CLCN7: variants seen among roughly 807,000 people sequenced by gnomAD.
CLCN7 encodes H(+)/Cl(-) exchange transporter 7.
Under a neutral mutation model 102.1 loss-of-function variants are expected in CLCN7, and 60 were observed. The ratio of observed to expected loss-of-function variants is 0.59; its 90% CI spans 0.48 to 0.73. The LOEUF (loss-of-function observed/expected upper bound fraction) is 0.73, where lower values mean the gene tolerates loss of function less well. Ranked by LOEUF, CLCN7 falls within the 30% of genes least tolerant of loss-of-function variation. The pLI is 0.00. For synonymous variants in CLCN7, 560 were observed against 490.5 expected (o/e 1.14, Z -1.87); for missense variants, 962 against 1,125.7 (o/e 0.85, Z 2.08).
At position 1,457,213 on chromosome 16, in the gene CLCN7, C is replaced by T; in HGVS notation, c.822+41G>A. ...CCCTGAGTGGTGCCCGTGCCCGTGCCCATGGCATCTGGAGCCCACCCACAC... is the reference window on the plus strand; with the variant it reads ...CCCTGAGTGGTGCCCGTGCCCGTGCTCATGGCATCTGGAGCCCACCCACAC... On this transcript the variant is annotated intron_variant, in intron 9 of 24. Coordinates refer to ENST00000382745, the MANE Select transcript of CLCN7 (RefSeq NM_001287.6). This position sits in a 1 kb window ranked among gnomAD's most constrained non-coding sequence, Gnocchi z 5.4. 1.9e-6 allele frequency: 3 copies of T among 1,572,336 alleles called. No homozygotes were observed. The highest frequency in any genetic ancestry group is 1.1e-5 in the South Asian group (1 of 90,314).
intron 5 of CLCN7, 114 bp downstream of exon 5, chr16:1,460,702 T>C: frequency 3.3e-6 from 5 of 1,523,494 alleles, no homozygotes; most frequent in Non-Finnish European, 4.5e-6. Context: ...ACAGCCAGCC[T>C]GGCCGGGCCG....
At chr16:1,464,722 C>T (rs1196222488) in intron 2 of CLCN7, among the ~76,000 whole-genome samples, 2 of 152,232 alleles carry the variant, frequency 1.3e-5, no homozygotes, top group African/African-American at 4.8e-5. Flanking sequence ...AACAGGAGTC[C>T]CGCACAGACA....
chr16:1,455,454 G>A lies in CLCN7; in HGVS notation c.982-204C>T, dbSNP rs2038820661. The A allele has an allele frequency of 8.9e-5, 58 of 650,374 alleles. 1 individual carries two copies. The South Asian group carries it at 9.5e-4, about 11-fold the overall frequency. The allele number at this position is 650,374 out of a possible 1,614,324, so 40.3% of individuals were successfully genotyped here. A position where few individuals can be genotyped will look rare whatever the true frequency, so the allele number is the denominator to read the frequency against. On this transcript the variant is annotated intron_variant, in intron 11 of 24. Transcript: ENST00000382745. ...GGCCCAGCCCTCTCTGGACTTGCCAGTGGAGAGCAAGAGGGGAAGGTGGGG... is the reference window on the plus strand; with the variant it reads ...GGCCCAGCCCTCTCTGGACTTGCCAATGGAGAGCAAGAGGGGAAGGTGGGG...
rs1479554082 is a variant in CLCN7 at position 1,447,559 on chromosome 16, C to T, written c.2083G>A (p.Glu695Lys). The change falls in exon 23 of 25, where the codon GAG becomes AAG. Residue 695 changes from glutamate to lysine, a missense_variant. Glu to Lys is a moderately conservative substitution (Grantham distance 56, BLOSUM62 1). Transcript: ENST00000382745. ...IVLLKHKVFV[E>K]RSNLGLVQRR... is the part of the protein sequence containing the mutation. The stretch of plus-strand genomic sequence containing the variant: ...TGTACCAGGCCCAGGTTGGACCGCT[C>T]CACAAACACCTGCGGGCGGCAGAGC... 6.4e-7 allele frequency: 1 copy of T among 1,555,948 alleles called. No individual in the cohort carries two copies. Among genetic ancestry groups the T allele is most frequent in the Non-Finnish European group, 8.7e-7 (1 of 1,150,112 alleles).
intron 19 of CLCN7, 57 bp from the exon 20 acceptor site, chr16:1,448,823 C>A: frequency 6.3e-7 from 1 of 1,599,612 alleles, no homozygotes. Flanking sequence ...CCTGGAGCCC[C>A]GAGCCTACCC....
chr16:1,450,471 A>G (rs2038727395), intron 17 of CLCN7, 26 bp downstream of exon 17: 12 of 1,574,774 alleles, frequency 7.6e-6, no homozygotes, highest in Non-Finnish European at 1.0e-5. Context: ...GCAGGGCCCC[A>G]CAGCCTCCCC....
In CLCN7 at chr16:1,456,156, T is replaced by C. The variant is rs1286473909; in HGVS notation, c.873A>G (p.Ala291=). ...RDTEKRDFVS[A]GAAAGVSAAF... is the part of the protein sequence containing the mutation. ...CCGCTGACACTCCGGCCGCAGCCCCTGCGGAGACGAAGTCCCGCTTCTCTG... is the reference window on the plus strand; with the variant it reads ...CCGCTGACACTCCGGCCGCAGCCCCCGCGGAGACGAAGTCCCGCTTCTCTG... The change falls in exon 10 of 25, where the codon GCA becomes GCG. Residue 291 remains alanine (A), a synonymous_variant. Transcript: ENST00000382745. The C allele has an allele frequency of 3.2e-6, 5 of 1,566,892 alleles. No homozygotes were observed. Among genetic ancestry groups the C allele is most frequent in the Admixed American group, 3.7e-5 (2 of 54,200 alleles).
chr16:1,468,161 G>A (rs2039030539), intron 1 of CLCN7, among the ~76,000 whole-genome samples: 1 of 152,170 alleles, frequency 6.6e-6, no homozygotes, highest in South Asian at 2.1e-4. Context: ...GGGAGGCCTT[G>A]AGGAGGGCCA....
intron 6 of CLCN7, chr16:1,459,431 G>A (rs1442973936): frequency 6.6e-6 from 3 of 453,670 alleles, no homozygotes; most frequent in South Asian, 2.2e-5. Context: ...CAGCACACAC[G>A]TCGGGGCATC....
rs1454370324 is a variant in CLCN7 at position 1,446,580 on chromosome 16, C to T, written c.*51G>A. The T allele has an allele frequency of 2.0e-6, 3 of 1,466,284 alleles. No individual in the cohort carries two copies. The highest frequency in any genetic ancestry group is 3.9e-5 in the Admixed American group (2 of 50,912). The allele number at this position is 1,466,284 out of a possible 1,614,324, so 90.8% of individuals were successfully genotyped here. On this transcript the variant is annotated 3_prime_UTR_variant, in exon 25 of 25. Transcript: ENST00000382745. ...AAACCAGTGACTCCGGGAGGAAATG[C>T]AGAAGGGCCGGGGTGCCAGCGCCAG...
intron 19 of CLCN7, 30 bp downstream of exon 19, chr16:1,448,936 T>C: frequency 6.2e-7 from 1 of 1,611,248 alleles, no homozygotes; most frequent in East Asian, 2.2e-5. Flanking sequence ...ACCCACGCTC[T>C]CAGGGTGAGG....
intron 23 of CLCN7, 51 bp from the exon 24 acceptor site, chr16:1,447,137 G>A (rs775432214): frequency 1.3e-5 from 19 of 1,506,014 alleles, no homozygotes; most frequent in Non-Finnish European, 1.5e-5. Flanking sequence ...AGAGGCAGGC[G>A]GGACCCTCAC....
chr16:1,464,371 T>A (rs905201494), intron 2 of CLCN7, among the ~76,000 whole-genome samples: 1 of 152,186 alleles, frequency 6.6e-6, no homozygotes, highest in African/African-American at 2.4e-5. Context: ...CTCCCAAAGC[T>A]GACACCAGAG....
At chr16:1,459,950 A>G (rs541282797) in intron 6 of CLCN7, among the ~76,000 whole-genome samples, 1 of 133,940 alleles carries the variant, frequency 7.5e-6, no homozygotes, top group East Asian at 2.0e-4. Flanking sequence ...GGAGAGCAGC[A>G]CACACTTCGG....
chr16:1,463,632 C>G (rs1021774060), intron 2 of CLCN7, among the ~76,000 whole-genome samples: 17 of 152,156 alleles, frequency 1.1e-4, no homozygotes, highest in African/African-American at 4.1e-4. Flanking sequence ...CACCACCACA[C>G]CTGGCTAATT....
At position 1,448,776 on chromosome 16, in the gene CLCN7, G is replaced by C. The variant is rs35939214; in HGVS notation, c.1798-10C>G. The stretch of plus-strand genomic sequence containing the variant: ...GCATGTCGTACAGGCCCTGCGGGCG[G>C]GGCGGGAACACAGGGCTTGAGGAGT... On this transcript the variant is annotated splice_polypyrimidine_tract_variant and intron_variant, in intron 19 of 24. Coordinates refer to ENST00000382745, the MANE Select transcript of CLCN7 (RefSeq NM_001287.6). 3 of 1,610,298 alleles carry C rather than the reference G, an allele frequency of 1.9e-6. No individual in the cohort carries two copies. The Admixed American group carries it at 5.0e-5, about 27-fold the overall frequency.
chr16:1,447,354 T>TGCCAGGC, intron 23 of CLCN7, 38 bp downstream of exon 23: 1 of 1,528,466 alleles, frequency 6.5e-7, no homozygotes, highest in Non-Finnish European at 8.8e-7. Context: ...TGCTGTTCAG[T>TGCCAGGC]CCCAGGCCCC....
At chr16:1,459,294 G>A (rs2038891491) in intron 6 of CLCN7, 107 bp from the exon 7 acceptor site, 1 of 954,020 alleles carries the variant, frequency 1.0e-6, no homozygotes, top group Non-Finnish European at 1.6e-6. Context: ...GACACGTCGG[G>A]GCCTCAGGGA....
intron 1 of CLCN7, among the ~76,000 whole-genome samples, chr16:1,466,216 T>C (rs1276465606): frequency 6.6e-6 from 1 of 152,234 alleles, no homozygotes; most frequent in South Asian, 2.1e-4. Flanking sequence ...CAGCGGCTGG[T>C]ACCGGCCGTG....
Sources: allele counts gnomAD v4.1 joint callset (sites outside exome capture counted in the v4.1 genomes callset), GRCh38; gene constraint gnomAD v4.1.1; non-coding constraint Gnocchi (gnomAD v3.1); transcripts MANE v1.5; gene names NCBI Gene and HGNC (gene_info 2026-07-23, HGNC 2026-07-21).